Variants in BFAR observed in about 807,000 individuals in gnomAD.
BFAR encodes the protein RING finger protein 47.
In BFAR, 52 loss-of-function variants were observed where a neutral mutation model predicts 54.4. That is an observed-to-expected ratio of 0.96 (90% CI 0.77 to 1.21). The LOEUF is 1.21. BFAR is among the 50% of genes most tolerant of loss of function. The probability of loss-of-function intolerance (pLI) is 0.00; values close to 1 mark genes in which losing one functional copy is unlikely to be tolerated. For synonymous variants in BFAR, 215 were observed against 204.3 expected (o/e 1.05, Z -0.45); for missense variants, 571 against 534.0 (o/e 1.07, Z -0.68).
At chr16:14,644,098 G>T (rs1238344223) in intron 1 of BFAR, among the ~76,000 whole-genome samples, 176 bp from the exon 2 acceptor site, 1 of 151,358 alleles carries the variant, frequency 6.6e-6, no homozygotes, top group Non-Finnish European at 1.5e-5. Flanking sequence ...GGGAGGTGGA[G>T]GTTGCAGTGA....
At chr16:14,645,839 A>G (rs1399632750) in intron 2 of BFAR, among the ~76,000 whole-genome samples, 2 of 152,096 alleles carry the variant, frequency 1.3e-5, no homozygotes, top group Admixed American at 6.6e-5. Flanking sequence ...ATACATATAT[A>G]TACACACACA....
intron 2 of BFAR, among the ~76,000 whole-genome samples, chr16:14,647,462 C>T (rs901038472): frequency 2.6e-5 from 4 of 151,858 alleles, no homozygotes; most frequent in Admixed American, 1.3e-4. Context: ...TTGGGAGGAC[C>T]GAGGCAGGCG....
intron 5 of BFAR, among the ~76,000 whole-genome samples, chr16:14,660,869 C>A (rs974353110): frequency 6.6e-6 from 1 of 151,782 alleles, no homozygotes; most frequent in African/African-American, 2.4e-5. Context: ...CCATTGCACT[C>A]CAGCCTGGGC....
rs751664857 is a variant in BFAR at position 14,644,312 on chromosome 16, T to G, written c.-35T>G. The G allele has an allele frequency of 1.5e-5, 23 of 1,585,342 alleles. No homozygotes were observed. In the African/African-American group the frequency reaches 2.4e-4, roughly 17 times the overall value. On this transcript the variant is annotated 5_prime_UTR_variant, in exon 2 of 8. It adds an upstream start codon to the 5' untranslated region. Transcript: ENST00000261658. ...TGCAGCAGTTTTCTACGTCTGAAATTTTTTATGTCTCTGGAACCCAGAATT... is the reference window on the plus strand; with the variant it reads ...TGCAGCAGTTTTCTACGTCTGAAATGTTTTATGTCTCTGGAACCCAGAATT...
intron 6 of BFAR, 21 bp downstream of exon 6, chr16:14,662,086 G>A (rs1194664300): frequency 6.2e-7 from 1 of 1,612,960 alleles, no homozygotes; most frequent in East Asian, 2.2e-5. Context: ...ACAGTGCCTG[G>A]AATAAAGTTA....
intron 4 of BFAR, among the ~76,000 whole-genome samples, chr16:14,651,479 G>GTGTTTT (rs1302555220): frequency 6.6e-6 from 1 of 152,192 alleles, no homozygotes; most frequent in Middle Eastern, 3.4e-3. Context: ...CCGGAGTATT[G>GTGTTTT]TGTTTTTGTT....
chr16:14,636,463 A>T (rs1282010209), intron 1 of BFAR, among the ~76,000 whole-genome samples: 5 of 152,252 alleles, frequency 3.3e-5, no homozygotes, highest in Non-Finnish European at 7.3e-5. Context: ...ATATGCATAC[A>T]CATAAACATC....
intron 6 of BFAR, among the ~76,000 whole-genome samples, chr16:14,663,574 G>T (rs534020758): frequency 1.3e-5 from 2 of 148,750 alleles, no homozygotes; most frequent in African/African-American, 5.0e-5. Context: ...CTCGTAATCC[G>T]CCCTCCTCAG....
Position 14,668,918 on chromosome 16 carries a change from A to G in BFAR, c.*1091A>G, listed in dbSNP as rs903613905. 3 of 197,530 alleles carry G rather than the reference A, an allele frequency of 1.5e-5. No individual in the cohort carries two copies. Among genetic ancestry groups the G allele is most frequent in the Non-Finnish European group, 2.2e-5 (2 of 90,924 alleles). The allele number at this position is 197,530 out of a possible 1,614,324, so 12.2% of individuals were successfully genotyped here. ...GAAATGTTTTGTAAATTGAGCTCAC[A>G]CTATATAATCTTTATTGTCCTATCC... is the stretch of plus-strand genomic sequence containing the variant. On this transcript the variant is annotated 3_prime_UTR_variant, in exon 8 of 8. Transcript: ENST00000261658.
rs1437577087 is a variant in BFAR, at chr16:14,656,963, T to A, written c.783+1753T>A. ...ACTAAAAACACAAAAATTAGCCAGG[T>A]GTGGTGGTGCATGCCTATAATCCCA... On this transcript the variant is annotated intron_variant, in intron 5 of 7. Coordinates refer to ENST00000261658, the MANE Select transcript of BFAR (RefSeq NM_016561.3). Among the ~76,000 whole-genome samples, 3 of 151,698 alleles carry A rather than the reference T, an allele frequency of 2.0e-5. No individual in the cohort carries two copies. The East Asian group carries it at 5.9e-4, about 30-fold the overall frequency.
At chr16:14,635,761 T>TC (rs1491438703) in intron 1 of BFAR, among the ~76,000 whole-genome samples, 1 of 141,040 alleles carries the variant, frequency 7.1e-6, no homozygotes, top group African/African-American at 2.6e-5. Context: ...CTTCTCTCTC[T>TC]TTTTTTTTTT....
At chr16:14,666,008 A>G (rs1461020815) in intron 7 of BFAR, among the ~76,000 whole-genome samples, 1 of 152,144 alleles carries the variant, frequency 6.6e-6, no homozygotes, top group South Asian at 2.1e-4. Context: ...CCCTCACAGC[A>G]CTGTTCTTTC....
At chr16:14,636,736 C>T (rs898837558) in intron 1 of BFAR, among the ~76,000 whole-genome samples, 5 of 152,196 alleles carry the variant, frequency 3.3e-5, no homozygotes, top group Non-Finnish European at 7.4e-5. Flanking sequence ...CCCAAGAGGC[C>T]ATATTTCAGA....
intron 1 of BFAR, among the ~76,000 whole-genome samples, chr16:14,641,678 A>G (rs1461766263): frequency 1.3e-5 from 2 of 152,122 alleles, no homozygotes; most frequent in Non-Finnish European, 2.9e-5. Flanking sequence ...CCTGACCAAC[A>G]TGGTGAAACC....
At chr16:14,664,799 C>G (rs1960391872) in intron 6 of BFAR, 70 bp from the exon 7 acceptor site, 1 of 1,471,928 alleles carries the variant, frequency 6.8e-7, no homozygotes, top group East Asian at 2.3e-5. Context: ...CGTGCCTAGC[C>G]TGATCATCAC....
At chr16:14,662,443 C>T (rs1330516951) in intron 6 of BFAR, among the ~76,000 whole-genome samples, 3 of 152,114 alleles carry the variant, frequency 2.0e-5, no homozygotes, top group African/African-American at 7.2e-5. Flanking sequence ...TTGCACATTC[C>T]TCCCCTAATT....
Position 14,649,816 on chromosome 16 carries a change from G to A in BFAR, c.481G>A (p.Val161Ile), listed in dbSNP as rs752156727. 31 of 1,604,704 alleles carry A rather than the reference G, an allele frequency of 1.9e-5. No homozygotes were observed. The highest frequency in any genetic ancestry group is 3.3e-5 in the South Asian group (3 of 89,894). ...ALTGVAVVLL[V>I]YHWSSRESEH... Reference sequence around the variant, plus strand: ...CACTTTTCCCCAGGTGGTCCTGCTCGTCTATCACTGGAGCAGCAGGGAATC... The same window carrying A: ...CACTTTTCCCCAGGTGGTCCTGCTCATCTATCACTGGAGCAGCAGGGAATC... The change falls in exon 4 of 8, where the codon GTC (valine) becomes ATC (isoleucine). Residue 161 changes from valine to isoleucine, a missense_variant. By Grantham distance (29) the Val-to-Ile change is conservative. Transcript: ENST00000261658.
intron 5 of BFAR, among the ~76,000 whole-genome samples, chr16:14,657,229 T>C (rs143060922): frequency 2.6e-5 from 4 of 152,124 alleles, no homozygotes; most frequent in Admixed American, 2.6e-4. Context: ...TTTTGTGTTA[T>C]TTGGTTTTTG....
intron 2 of BFAR, among the ~76,000 whole-genome samples, chr16:14,646,694 C>G (rs1464490043): frequency 1.3e-5 from 2 of 151,506 alleles, no homozygotes; most frequent in Admixed American, 6.6e-5. Flanking sequence ...GACAGAGTTT[C>G]TCCATGTTGG....
Sources: allele counts gnomAD v4.1 joint callset (sites outside exome capture counted in the v4.1 genomes callset), GRCh38; gene constraint gnomAD v4.1.1; transcripts MANE v1.5; gene names NCBI Gene and HGNC (gene_info 2026-07-23, HGNC 2026-07-21).